N4BP2: variants seen among roughly 807,000 people sequenced by gnomAD.
N4BP2 encodes NEDD4-binding protein 2.
A neutral mutation model predicts 152.8 loss-of-function variants in N4BP2; 91 were observed. The observed-to-expected ratio is 0.60, with a 90% confidence interval of 0.50 to 0.71. N4BP2 has a LOEUF of 0.71. Among genes scored for constraint, N4BP2 ranks in the 30% least tolerant of loss-of-function variants. The probability of loss-of-function intolerance (pLI) is 0.00; values close to 1 mark genes in which losing one functional copy is unlikely to be tolerated. For synonymous variants in N4BP2, 646 were observed against 705.3 expected, an observed-to-expected ratio of 0.92 and a Z score of 1.33; for missense variants, 1,923 against 2,059.1, an observed-to-expected ratio of 0.93 and a Z score of 1.28.
intron 7 of N4BP2, among the ~76,000 whole-genome samples, chr4:40,114,734 CTCTTTTCT>C (rs982115809): frequency 5.4e-4 from 82 of 152,234 alleles, no homozygotes; most frequent in African/African-American, 1.9e-3. Context: ...GAAGTATCTC[CTCTTTTCT>C]TCTTTTCTAG....
At chr4:40,178,670 A>C in the N4BP2 span, among the ~76,000 whole-genome samples, 1 of 152,276 alleles carries the variant, frequency 6.6e-6, no homozygotes, top group Admixed American at 6.5e-5. Context: ...TAAGTTGCCC[A>C]GGACAAAACA....
At chr4:40,133,770 A>G (rs1019488061) in intron 13 of N4BP2, among the ~76,000 whole-genome samples, 1 of 152,120 alleles carries the variant, frequency 6.6e-6, no homozygotes, top group African/African-American at 2.4e-5. Flanking sequence ...TCTGATTCCA[A>G]GTGTTTCAGA....
At chr4:40,129,560 T>A (rs1718727748) in intron 12 of N4BP2, among the ~76,000 whole-genome samples, 1 of 152,124 alleles carries the variant, frequency 6.6e-6, no homozygotes, top group Non-Finnish European at 1.5e-5. Context: ...GGTAATATAA[T>A]AGAAGCTGGT....
At chr4:40,124,088 A>T (rs1289611889) in intron 10 of N4BP2, 72 bp from the exon 11 acceptor site, 2 of 1,138,912 alleles carry the variant, frequency 1.8e-6, no homozygotes, top group East Asian at 4.7e-5. Context: ...AGAGAAAAAT[A>T]ATATAACCTT....
intron 12 of N4BP2, among the ~76,000 whole-genome samples, chr4:40,129,083 G>T (rs1718678206): frequency 6.6e-6 from 1 of 151,850 alleles, no homozygotes; most frequent in Admixed American, 6.6e-5. Context: ...ACACAGTCTG[G>T]CTTTGTTACA....
chr4:40,136,076 A>G (rs915908779), intron 13 of N4BP2, among the ~76,000 whole-genome samples: 5 of 152,168 alleles, frequency 3.3e-5, no homozygotes, highest in African/African-American at 1.2e-4. Flanking sequence ...CCGTCAAGAT[A>G]TGACTGAATA....
At chr4:40,094,295 TGAAAA>T (rs1234071254) in intron 2 of N4BP2, among the ~76,000 whole-genome samples, 1 of 152,188 alleles carries the variant, frequency 6.6e-6, no homozygotes, top group Non-Finnish European at 1.5e-5. Context: ...TGTTAATACT[TGAAAA>T]GAGTGTGTAT....
At chr4:40,125,886 C>CA (rs34106957) in intron 11 of N4BP2, among the ~76,000 whole-genome samples, 2,645 of 103,242 alleles carry the variant, frequency 0.026, 90 homozygotes, top group African/African-American at 0.088. Context: ...GACTCCGTCT[C>CA]AAAAAAAAAA....
At chr4:40,090,224 C>G (rs1057405865) in intron 2 of N4BP2, among the ~76,000 whole-genome samples, 3 of 152,168 alleles carry the variant, frequency 2.0e-5, no homozygotes, top group African/African-American at 7.2e-5. Flanking sequence ...TGCGATTCCT[C>G]CTGCTTTGTT....
chr4:40,083,946 G>A (rs1035334422), intron 2 of N4BP2, among the ~76,000 whole-genome samples: 1 of 152,198 alleles, frequency 6.6e-6, no homozygotes, highest in Non-Finnish European at 1.5e-5. Flanking sequence ...GATTTTAAAT[G>A]TATTTTGGAT....
intron 10 of N4BP2, 89 bp from the exon 11 acceptor site, chr4:40,124,071 G>T: frequency 1.0e-6 from 1 of 952,672 alleles, no homozygotes; most frequent in Non-Finnish European, 1.7e-6. Flanking sequence ...AAGGAGAAAT[G>T]ATTTCTAGAG....
the N4BP2 span, chr4:40,167,919 G>C: frequency 6.6e-6 from 1 of 152,142 alleles, no homozygotes; most frequent in Admixed American, 6.5e-5. Context: ...AAGGGAGGAA[G>C]AAGTAAAAAC....
At chr4:40,059,023 G>T (rs1733444339) in intron 1 of N4BP2, among the ~76,000 whole-genome samples, 1 of 152,060 alleles carries the variant, frequency 6.6e-6, no homozygotes. Context: ...GTTTCGCCAT[G>T]TTGCCCAGGC....
In N4BP2 at chr4:40,102,353, G is replaced by A. The variant is rs1030849434; in HGVS notation, c.508G>A (p.Val170Ile). ...ATACTCATTTTTGCCTTCACAAGAT[G>A]TTAATAGTTTTAATGACTCAAGTGA... ...QVYSFLPSQD[V>I]NSFNDSSEFI... The change falls in exon 4 of 18, where the codon GTT (valine) becomes ATT (isoleucine). Residue 170 changes from valine to isoleucine, a missense_variant. By Grantham distance (29) the Val-to-Ile change is conservative. Coordinates refer to ENST00000261435, the MANE Select transcript of N4BP2 (RefSeq NM_018177.6). 1.9e-6 allele frequency: 3 copies of A among 1,613,188 alleles called. No homozygotes were observed. The highest frequency in any genetic ancestry group is 2.7e-5 in the African/African-American group (2 of 74,836).
chr4:40,138,718 C>T (rs794008), intron 14 of N4BP2, among the ~76,000 whole-genome samples: 116,057 of 152,138 alleles, frequency 0.76, 44,644 homozygotes, highest in East Asian at 0.97. Context: ...ACCATAGTTA[C>T]AAGGATTTAT....
chr4:40,075,990 C>T lies in N4BP2; in HGVS notation c.-115+2439C>T, dbSNP rs185809477. ...TACAGGCATGTACCACCAGGCCTAGCTAATTTTAAATTTTTCACAGAGATG... is the reference window on the plus strand; with the variant it reads ...TACAGGCATGTACCACCAGGCCTAGTTAATTTTAAATTTTTCACAGAGATG... On this transcript the variant is annotated intron_variant, in intron 2 of 17. Coordinates refer to ENST00000261435, the MANE Select transcript of N4BP2 (RefSeq NM_018177.6). Among the ~76,000 whole-genome samples, 734 of 152,166 alleles carry T rather than the reference C, an allele frequency of 4.8e-3. 1 individual carries two copies. The highest frequency in any genetic ancestry group is 6.9e-3 in the Non-Finnish European group (472 of 68,016).
At chr4:40,101,587 T>G (rs920264823) in intron 3 of N4BP2, among the ~76,000 whole-genome samples, 2 of 152,234 alleles carry the variant, frequency 1.3e-5, no homozygotes, top group Admixed American at 6.5e-5. Context: ...ATTTCTGATA[T>G]GCAGTACATG....
rs1433668855 is a variant in N4BP2, at chr4:40,132,302, GA to G, written c.4646+387del. On this transcript the variant is annotated intron_variant, in intron 13 of 17. Coordinates refer to ENST00000261435, the MANE Select transcript of N4BP2 (RefSeq NM_018177.6). ...TATCTGGGAGATTGGTTACAGGACA[GA>G]AAATCTTTACCATTATTGTTTCTGA... Among the ~76,000 whole-genome samples, 7 of 152,222 alleles carry G rather than the reference GA, an allele frequency of 4.6e-5. No homozygotes were observed. The East Asian group carries it at 1.3e-3, about 29-fold the overall frequency.
At chr4:40,149,558 G>A (rs1720944660) in intron 16 of N4BP2, among the ~76,000 whole-genome samples, 1 of 152,150 alleles carries the variant, frequency 6.6e-6, no homozygotes, top group African/African-American at 2.4e-5. Context: ...TTTTAAAATG[G>A]TTAGTTTTAT....
Sources: allele counts gnomAD v4.1 joint callset (sites outside exome capture counted in the v4.1 genomes callset), GRCh38; gene constraint gnomAD v4.1.1; transcripts MANE v1.5; gene names NCBI Gene and HGNC (gene_info 2026-07-23, HGNC 2026-07-21).